The following AFF3 variants were observed in gnomAD, a reference collection of about 807,000 sequenced individuals.
AFF3 encodes AF4/FMR2 family member 3.
A neutral mutation model predicts 129.7 loss-of-function variants in AFF3; 32 were observed. The ratio of observed to expected loss-of-function variants is 0.25; its 90% CI spans 0.19 to 0.33. The LOEUF (loss-of-function observed/expected upper bound fraction) is 0.33. Ranked by LOEUF, AFF3 falls within the 10% of genes least tolerant of loss-of-function variation. The pLI is 1.00. For missense variants in AFF3, 1,373 were observed against 1,592.0 expected (o/e 0.86, Z 2.34); for synonymous variants, 644 against 635.4 (o/e 1.01, Z -0.20).
intron 8 of AFF3, among the ~76,000 whole-genome samples, chr2:99,786,249 T>A (rs1171400396): frequency 1.3e-5 from 2 of 152,192 alleles, no homozygotes; most frequent in African/African-American, 2.4e-5. Flanking sequence ...CTCAGTTTCC[T>A]CATCTGTAAA....
intron 12 of AFF3, among the ~76,000 whole-genome samples, chr2:99,656,124 A>G (rs1685727031): frequency 6.6e-6 from 1 of 152,226 alleles, no homozygotes; most frequent in Non-Finnish European, 1.5e-5. Flanking sequence ...GTTTCAGTGG[A>G]GACTCTGAGT....
chr2:99,968,922 A>G (rs747037195), intron 7 of AFF3, among the ~76,000 whole-genome samples: 1 of 152,212 alleles, frequency 6.6e-6, no homozygotes, highest in Non-Finnish European at 1.5e-5. Context: ...GTGCCACTGC[A>G]AAGAAAGAGA....
At chr2:99,909,037 C>T (rs372684412) in intron 7 of AFF3, among the ~76,000 whole-genome samples, 3 of 152,070 alleles carry the variant, frequency 2.0e-5, no homozygotes, top group Non-Finnish European at 4.4e-5. Flanking sequence ...CACATGCACA[C>T]GTATGTTTAC....
chr2:99,783,267 T>C (rs540026082), intron 8 of AFF3, among the ~76,000 whole-genome samples: 1 of 152,316 alleles, frequency 6.6e-6, no homozygotes, highest in African/African-American at 2.4e-5. Flanking sequence ...TCCTCCAAAC[T>C]TGAGGGGTTC....
At chr2:99,866,742 C>T (rs185172722) in intron 7 of AFF3, among the ~76,000 whole-genome samples, 1,908 of 151,846 alleles carry the variant, frequency 0.013, 39 homozygotes, top group African/African-American at 0.044. Flanking sequence ...TTTGGGAGGC[C>T]GAGGCAGGCG....
intron 7 of AFF3, among the ~76,000 whole-genome samples, chr2:99,918,034 G>C (rs922861411): frequency 1.6e-4 from 24 of 151,958 alleles, no homozygotes; most frequent in Non-Finnish European, 1.5e-4. Context: ...TAAGGTAAAA[G>C]AAAAAACCTT....
intron 13 of AFF3, among the ~76,000 whole-genome samples, chr2:99,618,930 A>ATTCATT (rs56376579): frequency 1.3e-5 from 2 of 152,148 alleles, no homozygotes; most frequent in Non-Finnish European, 2.9e-5. Flanking sequence ...TCATTCATTC[A>ATTCATT]GAGACAGGGG....
rs552254725 is a variant in AFF3 at position 99,780,182 on chromosome 2, T to C, written c.922-27881A>G. On this transcript the variant is annotated intron_variant, in intron 8 of 24. Coordinates refer to ENST00000672756, the MANE Select transcript of AFF3 (RefSeq NM_001386135.1). ...ACTATCCCATTTCTCTGCTCCTCTTTATAGCAAAACTCTCCATCTAAACTC... is the reference window on the plus strand; with the variant it reads ...ACTATCCCATTTCTCTGCTCCTCTTCATAGCAAAACTCTCCATCTAAACTC... Among the ~76,000 whole-genome samples the C allele has an allele frequency of 2.1e-4, 32 of 152,286 alleles. No homozygotes were observed. In the South Asian group the frequency reaches 5.2e-3, roughly 25 times the overall value.
At chr2:99,630,698 G>C in intron 13 of AFF3, 1 of 157,658 alleles carries the variant, frequency 6.3e-6, no homozygotes, top group Admixed American at 6.4e-5. Flanking sequence ...ATGGTGGCAG[G>C]AGAGAGACAG....
chr2:99,722,184 ATAG>A (rs1238706869), intron 11 of AFF3, among the ~76,000 whole-genome samples: 1 of 152,084 alleles, frequency 6.6e-6, no homozygotes, highest in Non-Finnish European at 1.5e-5. Flanking sequence ...TGGACATATT[ATAG>A]TAGTTGCTTT....
chr2:99,714,233 T>G (rs987966507), intron 11 of AFF3, among the ~76,000 whole-genome samples: 2 of 152,194 alleles, frequency 1.3e-5, no homozygotes, highest in African/African-American at 4.8e-5. Flanking sequence ...TCTCCTTCAG[T>G]AACTCTCCCC....
intron 2 of AFF3, among the ~76,000 whole-genome samples, chr2:100,121,102 G>A (rs1691947181): frequency 6.6e-6 from 1 of 152,198 alleles, no homozygotes; most frequent in South Asian, 2.1e-4. Flanking sequence ...CAGGTCCCTG[G>A]TGAGGGCCCC....
intron 11 of AFF3, among the ~76,000 whole-genome samples, chr2:99,684,367 C>G (rs73966510): frequency 0.075 from 11,423 of 152,196 alleles, 479 homozygotes; most frequent in East Asian, 0.11. Flanking sequence ...CAGCCATCTC[C>G]CCTCCCCCTG....
intron 18 of AFF3, among the ~76,000 whole-genome samples, chr2:99,574,778 C>A (rs1676828827): frequency 1.3e-5 from 2 of 152,222 alleles, no homozygotes; most frequent in Non-Finnish European, 2.9e-5. Context: ...ATCACTGTAA[C>A]TGGATTTCCA....
chr2:99,742,664 G>A (rs1407724663), intron 10 of AFF3, among the ~76,000 whole-genome samples: 1 of 152,224 alleles, frequency 6.6e-6, no homozygotes, highest in African/African-American at 2.4e-5. Flanking sequence ...TTGGGGCAGA[G>A]AGCCCTGAAT....
chr2:99,686,370 C>T (rs78577264), intron 11 of AFF3, among the ~76,000 whole-genome samples: 3,532 of 152,276 alleles, frequency 0.023, 122 homozygotes, highest in African/African-American at 0.079. Context: ...CCTACCACTT[C>T]AGGTGCACAC....
intron 7 of AFF3, among the ~76,000 whole-genome samples, chr2:99,861,210 T>A (rs1442687426): frequency 8.5e-5 from 13 of 152,228 alleles, no homozygotes; most frequent in Admixed American, 8.5e-4. Context: ...AGCTCCAAAA[T>A]TGATGTTGCC....
chr2:100,025,442 T>C (rs1385952516), intron 4 of AFF3, among the ~76,000 whole-genome samples: 1 of 152,096 alleles, frequency 6.6e-6, no homozygotes, highest in Non-Finnish European at 1.5e-5. Flanking sequence ...CATGGATGGG[T>C]AGCATCAATA....
At chr2:99,998,300 G>C (rs140041346) in intron 7 of AFF3, among the ~76,000 whole-genome samples, 4 of 152,334 alleles carry the variant, frequency 2.6e-5, no homozygotes, top group African/African-American at 9.6e-5. Context: ...AAGGGTCAGA[G>C]TTGCCCAAAG....
Sources: allele counts gnomAD v4.1 joint callset (sites outside exome capture counted in the v4.1 genomes callset), GRCh38; gene constraint gnomAD v4.1.1; transcripts MANE v1.5; gene names NCBI Gene and HGNC (gene_info 2026-07-23, HGNC 2026-07-21).